The following SIAH1 variants were observed in gnomAD, a reference collection of about 807,000 sequenced individuals.
SIAH1 encodes E3 ubiquitin-protein ligase SIAH1.
SIAH1 carries 2 observed loss-of-function variants against 20.0 expected under a neutral mutation model. The ratio of observed to expected loss-of-function variants is 0.10; its 90% CI spans 0.04 to 0.31. The LOEUF is 0.31. Among genes scored for constraint, SIAH1 ranks in the 10% least tolerant of loss-of-function variants. The pLI is 1.00. For synonymous variants in SIAH1, 118 were observed against 125.3 expected, an observed-to-expected ratio of 0.94 and a Z score of 0.39; for missense variants, 119 against 355.3, an observed-to-expected ratio of 0.33 and a Z score of 5.35.
Position 48,361,991 on chromosome 16 carries a change from G to C in SIAH1, c.438C>G (p.Pro146=). The C allele has an allele frequency of 6.2e-7, 1 of 1,614,088 alleles. No individual in the cohort carries two copies. The highest frequency in any genetic ancestry group is 8.5e-7 in the Non-Finnish European group (1 of 1,180,002). ...TGGACTTATGCTGATGCATCAGATG[G>C]GGCATTACAGCATCCAGAGAGCCTT... ...KWQGSLDAVM[P]HLMHQHKSIT... Residue 146 remains proline (P), a synonymous_variant, in exon 2 of 2, where the codon CCC becomes CCG. Transcript: ENST00000394725.
chr16:48,379,685 A>C (rs974514941), intron 1 of SIAH1, among the ~76,000 whole-genome samples: 2 of 152,186 alleles, frequency 1.3e-5, no homozygotes, highest in Non-Finnish European at 2.9e-5. Context: ...ACTAAAGAAA[A>C]ATTATAATTC....
At chr16:48,372,108 G>A (rs1961000338) in intron 1 of SIAH1, among the ~76,000 whole-genome samples, 1 of 152,088 alleles carries the variant, frequency 6.6e-6, no homozygotes, top group African/African-American at 2.4e-5. Flanking sequence ...ATATTGCTAG[G>A]AAGACTAAAG....
rs189826880 is a variant in SIAH1 at position 48,370,496 on chromosome 16, G to A, written c.-2-8066C>T. On this transcript the variant is annotated intron_variant, in intron 1 of 1. Transcript: ENST00000394725. ...TCATTTAACCTTTCCAATGACCAAA[G>A]TTAGACATTTATCCCCACCTTACTT... is the stretch of plus-strand genomic sequence containing the variant. Among the ~76,000 whole-genome samples, 29 of 152,228 alleles carry A rather than the reference G, an allele frequency of 1.9e-4. No individual in the cohort carries two copies. In the East Asian group the frequency reaches 5.6e-3, roughly 29 times the overall value.
At chr16:48,365,468 T>C in intron 1 of SIAH1, 1 of 1,613,436 alleles carries the variant, frequency 6.2e-7, no homozygotes, top group South Asian at 1.1e-5. Context: ...GGAGTAGCCT[T>C]TCCCGTCATG....
chr16:48,362,000 A>C lies in SIAH1; in HGVS notation c.429T>G (p.Ala143=), dbSNP rs1047192538. ...GCTGATGCATCAGATGGGGCATTAC[A>C]GCATCCAGAGAGCCTTGCCATTTAC... is the stretch of plus-strand genomic sequence containing the variant. The part of the protein sequence containing the change: ...ASCKWQGSLD[A]VMPHLMHQHK... Residue 143 remains alanine, a synonymous_variant, in exon 2 of 2, where the codon GCT becomes GCG. Transcript: ENST00000394725. 6 of 1,614,222 alleles carry C rather than the reference A, an allele frequency of 3.7e-6. No homozygotes were observed.
At chr16:48,365,453 A>G (rs757256438) in intron 1 of SIAH1, 1 of 1,613,860 alleles carries the variant, frequency 6.2e-7, no homozygotes, top group Admixed American at 1.7e-5. Flanking sequence ...GAGTACAGAG[A>G]AGGTGGAGTA....
Position 48,362,773 on chromosome 16 carries a change from T to C in SIAH1, c.-2-343A>G, listed in dbSNP as rs1016487344. 8.8e-6 allele frequency: 2 copies of C among 226,630 alleles called. No homozygotes were observed. The highest frequency in any genetic ancestry group is 2.2e-3 in the Middle Eastern group (1 of 448). 14.0% of individuals were successfully genotyped at this position (226,630 alleles called of 1,614,324 possible). The stretch of plus-strand genomic sequence containing the variant: ...AACTATACAAGGAACTGAAGTTTAA[T>C]CGAATCCGTTTTGCTAGGACTCTCC... On this transcript the variant is annotated intron_variant, in intron 1 of 1. Transcript: ENST00000394725. The surrounding 1 kb of genome is among the most constrained non-coding windows in gnomAD (Gnocchi z 4.2).
At chr16:48,372,273 T>A (rs1359685463) in intron 1 of SIAH1, among the ~76,000 whole-genome samples, 1 of 152,172 alleles carries the variant, frequency 6.6e-6, no homozygotes, top group Admixed American at 6.5e-5. Flanking sequence ...TTCAATTATA[T>A]TCAGCTGAAA....
chr16:48,371,151 C>T (rs1960978143), intron 1 of SIAH1, among the ~76,000 whole-genome samples: 1 of 150,076 alleles, frequency 6.7e-6, no homozygotes, highest in Non-Finnish European at 1.5e-5. Flanking sequence ...CAAGCTGGCA[C>T]ATGCCTGTAG....
rs543688431 is a variant in SIAH1 at position 48,385,380 on chromosome 16, G to GGCC, written c.-182_-180dup. 127 of 154,820 alleles carry GGCC rather than the reference G, an allele frequency of 8.2e-4. 1 individual carries two copies. In the East Asian group the frequency reaches 0.011, roughly 13 times the overall value. The allele number at this position is 154,820 out of a possible 1,614,324, so 9.6% of individuals were successfully genotyped here. A position where few individuals can be genotyped will look rare whatever the true frequency, so the allele number is the denominator to read the frequency against. ...GCAACGGCCGCCCCGGCTCCCCCCT[G>GGCC]GCCGCCGCCGCCGCCGCCGTTTCGC... On this transcript the variant is annotated 5_prime_UTR_variant, in exon 1 of 2. Coordinates refer to ENST00000394725, the MANE Select transcript of SIAH1 (RefSeq NM_003031.4).
At chr16:48,378,032 G>A (rs776649054) in intron 1 of SIAH1, among the ~76,000 whole-genome samples, 1 of 152,180 alleles carries the variant, frequency 6.6e-6, no homozygotes, top group Non-Finnish European at 1.5e-5. Context: ...AAAACATAAT[G>A]TTGAGTGAAA....
chr16:48,384,621 C>T (rs1482885324), intron 1 of SIAH1, among the ~76,000 whole-genome samples: 2 of 151,872 alleles, frequency 1.3e-5, no homozygotes, highest in African/African-American at 4.8e-5. Context: ...GCAGGAAGAG[C>T]GCAGCCCCGT....
intron 1 of SIAH1, among the ~76,000 whole-genome samples, chr16:48,384,656 G>A (rs914511507): frequency 6.6e-6 from 1 of 150,802 alleles, no homozygotes; most frequent in Non-Finnish European, 1.5e-5. Flanking sequence ...GCCGGGGGTC[G>A]GGGGCAGAGA....
intron 1 of SIAH1, among the ~76,000 whole-genome samples, chr16:48,381,979 T>G (rs1961306592): frequency 6.6e-6 from 1 of 152,092 alleles, no homozygotes; most frequent in Admixed American, 6.6e-5. Context: ...CGAAATCTCT[T>G]GTCTCTTCTA....
At chr16:48,378,831 C>T (rs1961179301) in intron 1 of SIAH1, among the ~76,000 whole-genome samples, 1 of 152,186 alleles carries the variant, frequency 6.6e-6, no homozygotes, top group Non-Finnish European at 1.5e-5. Context: ...GGGCCTTTAT[C>T]TGGCTGCATC....
chr16:48,361,718 T>C lies in SIAH1; in HGVS notation c.711A>G (p.Glu237=), dbSNP rs1280415429. 1 of 1,614,060 alleles carries C rather than the reference T, an allele frequency of 6.2e-7. No individual in the cohort carries two copies. Among genetic ancestry groups the C allele is most frequent in the Non-Finnish European group, 8.5e-7 (1 of 1,180,032 alleles). The part of the protein sequence containing the change: ...LNGHRRRLTW[E]ATPRSIHEGI... Reference sequence around the variant, plus strand: ...CTTCATGAATAGATCGAGGAGTCGCTTCCCAAGTCAATCGTCGCCTATGAC... The same window carrying C: ...CTTCATGAATAGATCGAGGAGTCGCCTCCCAAGTCAATCGTCGCCTATGAC... Residue 237 remains glutamate (E), a synonymous_variant, in exon 2 of 2, where the codon GAA becomes GAG. Coordinates refer to ENST00000394725, the MANE Select transcript of SIAH1 (RefSeq NM_003031.4).
intron 1 of SIAH1, among the ~76,000 whole-genome samples, chr16:48,367,119 C>CG (rs1960862630): frequency 6.6e-6 from 1 of 152,160 alleles, no homozygotes; most frequent in African/African-American, 2.4e-5. Context: ...AGGCTGGTCT[C>CG]GAACTCCTGG....
intron 1 of SIAH1, among the ~76,000 whole-genome samples, chr16:48,381,600 A>G (rs1434489755): frequency 6.6e-6 from 1 of 152,242 alleles, no homozygotes; most frequent in African/African-American, 2.4e-5. Flanking sequence ...CCAAGCCATA[A>G]AGACGTGGAG....
intron 1 of SIAH1, among the ~76,000 whole-genome samples, chr16:48,381,984 C>T (rs547555107): frequency 6.6e-6 from 1 of 152,224 alleles, no homozygotes; most frequent in African/African-American, 2.4e-5. Context: ...TCTCTTGTCT[C>T]TTCTACTCAA....
Sources: allele counts gnomAD v4.1 joint callset (sites outside exome capture counted in the v4.1 genomes callset), GRCh38; gene constraint gnomAD v4.1.1; non-coding constraint Gnocchi (gnomAD v3.1); transcripts MANE v1.5; gene names NCBI Gene and HGNC (gene_info 2026-07-23, HGNC 2026-07-21).